KLF12: variants seen among roughly 807,000 people sequenced by gnomAD.
KLF12 encodes Krueppel-like factor 12.
A neutral mutation model predicts 37.8 loss-of-function variants in KLF12; 9 were observed. That is an observed-to-expected ratio of 0.24 (90% CI 0.14 to 0.42). The LOEUF (loss-of-function observed/expected upper bound fraction) is 0.42, where lower values mean the gene tolerates loss of function less well. Among genes scored for constraint, KLF12 ranks in the 10% least tolerant of loss-of-function variants. The pLI is 1.00. For missense variants in KLF12, 411 were observed against 516.0 expected (o/e 0.80, Z 1.97); for synonymous variants, 208 against 202.1 (o/e 1.03, Z -0.25).
At chr13:73,968,639 T>C (rs1157755771) in intron 2 of KLF12, among the ~76,000 whole-genome samples, 1 of 152,252 alleles carries the variant, frequency 6.6e-6, no homozygotes, top group Non-Finnish European at 1.5e-5. Flanking sequence ...TTAAGAAAGT[T>C]TTCTAAAAGA....
chr13:74,033,768 T>C (rs1330377579), intron 1 of KLF12, among the ~76,000 whole-genome samples: 1 of 152,200 alleles, frequency 6.6e-6, no homozygotes, highest in Non-Finnish European at 1.5e-5. Flanking sequence ...TCTTTACACA[T>C]ACTCATAATT....
chr13:73,819,551 C>A (rs1020764372), intron 4 of KLF12, among the ~76,000 whole-genome samples: 4 of 148,954 alleles, frequency 2.7e-5, no homozygotes, highest in East Asian at 2.1e-4. Flanking sequence ...TGAACACCTA[C>A]GAGGTAGCAA....
the KLF12 span, among the ~76,000 whole-genome samples, chr13:74,187,152 A>T: frequency 6.6e-6 from 1 of 152,044 alleles, no homozygotes; most frequent in Non-Finnish European, 1.5e-5. Flanking sequence ...ACACTGCGAA[A>T]CCCCATCTCC....
intron 1 of KLF12, among the ~76,000 whole-genome samples, chr13:73,998,611 A>G (rs1892184483): frequency 6.6e-6 from 1 of 152,246 alleles, no homozygotes; most frequent in Non-Finnish European, 1.5e-5. Context: ...TACATATTCA[A>G]TTCAGTTACT....
intron 5 of KLF12, among the ~76,000 whole-genome samples, chr13:73,771,333 T>C (rs1012161624): frequency 2.6e-5 from 4 of 152,236 alleles, no homozygotes; most frequent in Admixed American, 6.5e-5. Context: ...ACTCAATAAA[T>C]AGCTGTTGTA....
the KLF12 span, among the ~76,000 whole-genome samples, chr13:74,237,899 A>G: frequency 1.3e-5 from 2 of 152,012 alleles, no homozygotes; most frequent in Admixed American, 1.3e-4. Flanking sequence ...GGACAATTTG[A>G]CTTCCTCTTT....
chr13:74,201,057 C>G, the KLF12 span, among the ~76,000 whole-genome samples: 1 of 152,080 alleles, frequency 6.6e-6, no homozygotes, highest in African/African-American at 2.4e-5. Context: ...ATCTGCACAT[C>G]CTAATCAAAG....
the KLF12 span, among the ~76,000 whole-genome samples, chr13:74,279,801 C>G: frequency 2.6e-5 from 4 of 152,220 alleles, no homozygotes; most frequent in East Asian, 7.7e-4. Context: ...TGTTGTTAAA[C>G]TAGTTTGATT....
intron 6 of KLF12, among the ~76,000 whole-genome samples, chr13:73,750,915 T>C (rs1878707448): frequency 6.6e-6 from 1 of 152,120 alleles, no homozygotes; most frequent in African/African-American, 2.4e-5. Flanking sequence ...AGAAGTGAGA[T>C]GGAAAGAGTT....
At chr13:73,929,060 T>A (rs764741087) in intron 3 of KLF12, among the ~76,000 whole-genome samples, 1 of 152,168 alleles carries the variant, frequency 6.6e-6, no homozygotes, top group Non-Finnish European at 1.5e-5. Flanking sequence ...AATGAATGTG[T>A]TTGAAATCAA....
At chr13:74,174,864 G>A in the KLF12 span, among the ~76,000 whole-genome samples, 1 of 152,156 alleles carries the variant, frequency 6.6e-6, no homozygotes, top group Admixed American at 6.5e-5. Flanking sequence ...TTTGATTTAA[G>A]GAGAAATTGA....
At chr13:73,955,798 A>G (rs1463320357) in intron 2 of KLF12, among the ~76,000 whole-genome samples, 1 of 152,244 alleles carries the variant, frequency 6.6e-6, no homozygotes, top group Non-Finnish European at 1.5e-5. Flanking sequence ...GAGGAAATCA[A>G]AAGAACTACA....
At chr13:73,866,280 C>T (rs1886174004) in intron 3 of KLF12, among the ~76,000 whole-genome samples, 1 of 152,022 alleles carries the variant, frequency 6.6e-6, no homozygotes, top group Admixed American at 6.6e-5. Flanking sequence ...AAAACAAAAA[C>T]ACACAAGACA....
chr13:74,146,236 A>G, the KLF12 span, among the ~76,000 whole-genome samples: 5 of 152,222 alleles, frequency 3.3e-5, no homozygotes, highest in East Asian at 9.6e-4. Context: ...TATGTCAGGA[A>G]TACAGACTTT....
the KLF12 span, among the ~76,000 whole-genome samples, chr13:74,238,732 G>C: frequency 6.6e-6 from 1 of 151,478 alleles, no homozygotes; most frequent in African/African-American, 2.4e-5. Flanking sequence ...TTGCATAGAG[G>C]TGTTTGTAGT....
intron 4 of KLF12, among the ~76,000 whole-genome samples, chr13:73,821,577 T>C (rs1883528805): frequency 6.6e-6 from 1 of 152,344 alleles, no homozygotes; most frequent in Non-Finnish European, 1.5e-5. Flanking sequence ...TCGACTTCCT[T>C]GAAGTCCTAT....
At chr13:74,017,778 G>A (rs1892736274) in intron 1 of KLF12, among the ~76,000 whole-genome samples, 1 of 152,018 alleles carries the variant, frequency 6.6e-6, no homozygotes, top group Admixed American at 6.6e-5. Context: ...TGAGTTGAAA[G>A]AAATTGGCCA....
At chr13:73,793,553 G>C (rs964101960) in intron 5 of KLF12, among the ~76,000 whole-genome samples, 1 of 152,128 alleles carries the variant, frequency 6.6e-6, no homozygotes, top group Admixed American at 6.5e-5. Context: ...TAATAAGCTT[G>C]GAGCTATGAA....
rs142765577 is a variant in KLF12 at position 73,901,239 on chromosome 13, C to T, written c.123+42742G>A. ...GTTCCTAATATTCCTTTGAAATTTA[C>T]TTCAAAGCTGGGCTAAACAAATCAG... On this transcript the variant is annotated intron_variant, in intron 3 of 7. Transcript: ENST00000377669. 5.9e-3 allele frequency among the ~76,000 whole-genome samples: 904 copies of T among 152,300 alleles called. 42 individuals carry two copies. The highest frequency in any genetic ancestry group is 0.055 in the Admixed American group (840 of 15,300).
Sources: gnomAD v4.1 joint callset for allele counts (sites outside exome capture counted in the v4.1 genomes callset) on GRCh38, gnomAD v4.1.1 for gene constraint, MANE v1.5 for transcripts, NCBI Gene and HGNC (gene_info 2026-07-23, HGNC 2026-07-21) for gene names.